Variants in OR1J2 observed in about 807,000 individuals in gnomAD.
OR1J2 encodes olfactory receptor 1J2.
For synonymous variants in OR1J2, 142 were observed against 99.7 expected (o/e 1.42, Z -2.52); for missense variants, 304 against 246.1 (o/e 1.24, Z -1.57).
At chr9:122,559,485 C>T in the OR1J2 span, among the ~76,000 whole-genome samples, 1 of 152,080 alleles carries the variant, frequency 6.6e-6, no homozygotes, top group Non-Finnish European at 1.5e-5. Flanking sequence ...TCCCTCTTAA[C>T]ACTGCTTTAG....
At chr9:122,479,641 T>C in the OR1J2 span, among the ~76,000 whole-genome samples, 1 of 152,204 alleles carries the variant, frequency 6.6e-6, no homozygotes, top group African/African-American at 2.4e-5. Context: ...GCTGTTACTC[T>C]ATTCTAAATA....
the OR1J2 span, among the ~76,000 whole-genome samples, chr9:122,503,161 A>C: frequency 5.9e-5 from 9 of 152,328 alleles, no homozygotes; most frequent in East Asian, 1.5e-3. Context: ...AGATGATGTC[A>C]TGTGGGATAT....
At chr9:122,526,302 C>A in the OR1J2 span, 1 of 1,100,498 alleles carries the variant, frequency 9.1e-7, no homozygotes. Flanking sequence ...CAAAATGAAG[C>A]CCGTTTGTCT....
chr9:122,549,005 G>T, the OR1J2 span, among the ~76,000 whole-genome samples: 1 of 151,852 alleles, frequency 6.6e-6, no homozygotes, highest in Non-Finnish European at 1.5e-5. Flanking sequence ...TGTCTTTGTT[G>T]CCTGTGCTTT....
chr9:122,553,973 CTATGGGTCTCT>C, the OR1J2 span: 70 of 1,613,750 alleles, frequency 4.3e-5, no homozygotes, highest in Non-Finnish European at 5.7e-5. Context: ...TTCTGCTCTT[CTATGGGTCTCT>C]TATGGGTGTG....
chr9:122,560,439 T>A, the OR1J2 span, among the ~76,000 whole-genome samples: 1 of 152,150 alleles, frequency 6.6e-6, no homozygotes. Flanking sequence ...GTCTTTATAT[T>A]TTGGTGTTTT....
chr9:122,554,288 TAA>T, the OR1J2 span: 14,298 of 532,564 alleles, frequency 0.027, no homozygotes, highest in East Asian at 0.042. Flanking sequence ...GTTAGGGATG[TAA>T]AAAAAAAAAA....
the OR1J2 span, chr9:122,568,340 G>T: frequency 6.2e-7 from 1 of 1,614,018 alleles, no homozygotes; most frequent in African/African-American, 1.3e-5. Context: ...TGGCCAGGAT[G>T]ATGAGCAGGT....
At chr9:122,576,009 A>C in the OR1J2 span, among the ~76,000 whole-genome samples, 1 of 151,988 alleles carries the variant, frequency 6.6e-6, no homozygotes, top group Non-Finnish European at 1.5e-5. Flanking sequence ...TGTCTGGTTT[A>C]TTTCAGTTAC....
Position 122,511,700 on chromosome 9 carries a change from C to A in OR1J2, c.899C>A (p.Ala300Asp). ...CTTAGGAACAGGGACATGAAAGAGG[C>A]CCTTGGGAAACTCTTCAGTAGAGCA... is the stretch of plus-strand genomic sequence containing the variant. Reference protein sequence around the residue: ...YSLRNRDMKEALGKLFSRATF... With the variant: ...YSLRNRDMKEDLGKLFSRATF... The change falls in exon 1 of 1, where the codon GCC becomes GAC. Residue 300 changes from alanine to aspartate, a missense_variant. Ala to Asp is a moderately radical substitution (Grantham distance 126, BLOSUM62 -2). Coordinates refer to ENST00000335302, the MANE Select transcript of OR1J2 (RefSeq NM_054107.1). 1.3e-6 allele frequency: 1 copy of A among 780,998 alleles called. No individual in the cohort carries two copies. The highest frequency in any genetic ancestry group is 1.7e-5 in the Admixed American group (1 of 59,038). 48.4% of individuals were successfully genotyped at this position (780,998 alleles called of 1,614,324 possible).
the OR1J2 span, among the ~76,000 whole-genome samples, chr9:122,486,365 A>G: frequency 6.6e-6 from 1 of 152,194 alleles, no homozygotes; most frequent in Admixed American, 6.5e-5. Flanking sequence ...GGGAATTGAT[A>G]GCAGGTCCAT....
chr9:122,475,215 G>T, the OR1J2 span: 1 of 152,266 alleles, frequency 6.6e-6, no homozygotes, highest in African/African-American at 2.4e-5. Context: ...GCAGGGTTAG[G>T]CATGGGGACA....
At chr9:122,506,249 A>C (rs932823124), upstream of OR1J2, among the ~76,000 whole-genome samples, 2 of 152,164 alleles carry the variant, frequency 1.3e-5, no homozygotes, top group Non-Finnish European at 2.9e-5. Context: ...GACTGAGGGT[A>C]CTTTGAGATA....
At chr9:122,533,008 G>A in the OR1J2 span, among the ~76,000 whole-genome samples, 7 of 152,078 alleles carry the variant, frequency 4.6e-5, no homozygotes, top group Non-Finnish European at 8.8e-5. Flanking sequence ...GAAGGCTTGC[G>A]GCAGTACAGC....
At chr9:122,517,014 A>G in the OR1J2 span, among the ~76,000 whole-genome samples, 1 of 152,218 alleles carries the variant, frequency 6.6e-6, no homozygotes, top group Admixed American at 6.5e-5. Context: ...AGAAACTGAT[A>G]TAAATTGGTT....
the OR1J2 span, among the ~76,000 whole-genome samples, chr9:122,467,074 C>T: frequency 1.3e-5 from 2 of 152,152 alleles, no homozygotes; most frequent in African/African-American, 4.8e-5. Flanking sequence ...AGCCACCTGC[C>T]TTGGCCTCCC....
At chr9:122,473,769 G>A in the OR1J2 span, among the ~76,000 whole-genome samples, 1 of 152,266 alleles carries the variant, frequency 6.6e-6, no homozygotes, top group Middle Eastern at 3.4e-3. Flanking sequence ...ACTCTGGATT[G>A]CTTCCTTTGT....
the OR1J2 span, among the ~76,000 whole-genome samples, chr9:122,451,981 C>A: frequency 6.6e-6 from 1 of 152,162 alleles, no homozygotes. Context: ...CGGGTTCACG[C>A]CATTCTCCTG....
chr9:122,461,880 A>G, the OR1J2 span, among the ~76,000 whole-genome samples: 1 of 152,152 alleles, frequency 6.6e-6, no homozygotes, highest in African/African-American at 2.4e-5. Context: ...GATGAATAGA[A>G]TATATATTCT....
Sources: allele counts gnomAD v4.1 joint callset (sites outside exome capture counted in the v4.1 genomes callset), GRCh38; gene constraint gnomAD v4.1.1; transcripts MANE v1.5; gene names NCBI Gene and HGNC (gene_info 2026-07-23, HGNC 2026-07-21).